The following RFX3 variants were observed in gnomAD, a reference collection of about 807,000 sequenced individuals.
The protein encoded by RFX3 is transcription factor RFX3.
RFX3 carries 14 observed loss-of-function variants against 98.6 expected under a neutral mutation model. The observed-to-expected ratio is 0.14, with a 90% CI of 0.09 to 0.22. The LOEUF (loss-of-function observed/expected upper bound fraction) is 0.22. Ranked by LOEUF, RFX3 falls within the 10% of genes least tolerant of loss-of-function variation. The pLI is 1.00. For missense variants in RFX3, 639 were observed against 926.9 expected (o/e 0.69, Z 4.03); for synonymous variants, 383 against 328.4 (o/e 1.17, Z -1.80).
chr9:3,388,007 T>C (rs1205655115), intron 2 of RFX3, among the ~76,000 whole-genome samples: 1 of 152,142 alleles, frequency 6.6e-6, no homozygotes, highest in Non-Finnish European at 1.5e-5. Flanking sequence ...AACAGAATAC[T>C]CTATTATGAA....
chr9:3,384,959 C>T lies in RFX3; in HGVS notation c.117+10513G>A, dbSNP rs547109066. 2.4e-3 allele frequency among the ~76,000 whole-genome samples: 365 copies of T among 152,252 alleles called. 2 individuals carry two copies. The highest frequency in any genetic ancestry group is 0.01 in the Middle Eastern group (3 of 294). On this transcript the variant is annotated intron_variant, in intron 2 of 16. Coordinates refer to ENST00000617270, the MANE Select transcript of RFX3 (RefSeq NM_001282116.2). ...CTCAAATCTTAGCTTAAAAGTCAGT[C>T]CCTCTGGGGAAACTTCCTTGACCAG... is the stretch of plus-strand genomic sequence containing the variant.
At chr9:3,392,206 C>A (rs1171919768) in intron 2 of RFX3, among the ~76,000 whole-genome samples, 1 of 151,944 alleles carries the variant, frequency 6.6e-6, no homozygotes, top group Non-Finnish European at 1.5e-5. Context: ...TATGGATAAA[C>A]ACCCACAGAT....
intron 5 of RFX3, among the ~76,000 whole-genome samples, chr9:3,300,746 T>C (rs1828552507): frequency 6.6e-6 from 1 of 151,908 alleles, no homozygotes; most frequent in Admixed American, 6.6e-5. Context: ...ATGGGTCTAT[T>C]TACTTTTTTC....
chr9:3,369,214 G>T (rs1243108720), intron 2 of RFX3, among the ~76,000 whole-genome samples: 2 of 152,226 alleles, frequency 1.3e-5, no homozygotes, highest in Admixed American at 6.5e-5. Flanking sequence ...ATTTCTCACA[G>T]TCTGGATGCT....
At chr9:3,266,497 T>C (rs1316769831) in intron 11 of RFX3, among the ~76,000 whole-genome samples, 192 bp from the exon 12 acceptor site, 1 of 152,106 alleles carries the variant, frequency 6.6e-6, no homozygotes, top group East Asian at 1.9e-4. Context: ...TTGGGCTTTT[T>C]CTTTTAAAGT....
Position 3,324,180 on chromosome 9 carries a change from CT to C in RFX3, c.474+6078del, listed in dbSNP as rs1428239021. The C allele has an allele frequency of 1.2e-5, 3 of 241,204 alleles. No individual in the cohort carries two copies. In the East Asian group the frequency reaches 3.1e-4, roughly 25 times the overall value. 14.9% of individuals were successfully genotyped at this position (241,204 alleles called of 1,614,324 possible). The stretch of plus-strand genomic sequence containing the variant: ...TCCTGCCAAAATAAGTGGACAGAGT[CT>C]TTTTTTAAAAAATATTGAGGCTAAC... On this transcript the variant is annotated intron_variant, in intron 4 of 16. Coordinates refer to ENST00000617270, the MANE Select transcript of RFX3 (RefSeq NM_001282116.2).
chr9:3,415,779 C>A lies in RFX3; in HGVS notation c.-8-20183G>T, dbSNP rs113312650. Among the ~76,000 whole-genome samples, 956 of 152,290 alleles carry A rather than the reference C, an allele frequency of 6.3e-3. 11 individuals are homozygous for A. Among genetic ancestry groups the A allele is most frequent in the Admixed American group, 8.4e-3 (129 of 15,290 alleles). On this transcript the variant is annotated intron_variant, in intron 1 of 16. Transcript: ENST00000617270. ...TCTAATTCTATAATATGAACTGCCT[C>A]TTTGCAACACAATGAGACCCAAGAT... is the stretch of plus-strand genomic sequence containing the variant.
At chr9:3,312,692 A>G (rs1830103742) in intron 4 of RFX3, among the ~76,000 whole-genome samples, 1 of 152,132 alleles carries the variant, frequency 6.6e-6, no homozygotes. Flanking sequence ...TTTCCAACTG[A>G]GCAAACAGCA....
intron 1 of RFX3, among the ~76,000 whole-genome samples, chr9:3,407,381 T>G (rs1040086810): frequency 1.3e-5 from 2 of 152,124 alleles, no homozygotes; most frequent in African/African-American, 4.8e-5. Context: ...TCCCATTTAT[T>G]ATGGATGAGA....
intron 2 of RFX3, among the ~76,000 whole-genome samples, chr9:3,355,293 C>A (rs1408392429): frequency 1.3e-5 from 2 of 151,654 alleles, no homozygotes; most frequent in Admixed American, 6.6e-5. Flanking sequence ...TGGGTGAGAT[C>A]CAACTATATG....
chr9:3,335,982 GGT>G (rs1833131390), intron 3 of RFX3, among the ~76,000 whole-genome samples: 1 of 151,912 alleles, frequency 6.6e-6, no homozygotes, highest in Non-Finnish European at 1.5e-5. Flanking sequence ...TTTATCTTCA[GGT>G]GTCTTATCCA....
At chr9:3,506,182 G>C (rs1308169168) in intron 1 of RFX3, among the ~76,000 whole-genome samples, 2 of 150,320 alleles carry the variant, frequency 1.3e-5, no homozygotes, top group African/African-American at 4.9e-5. Context: ...AATGAGGGCT[G>C]GATAGATTTA....
At chr9:3,394,876 G>T in intron 2 of RFX3, 1 of 982,296 alleles carries the variant, frequency 1.0e-6, no homozygotes, top group Non-Finnish European at 1.2e-6. Flanking sequence ...CAAGCCAACT[G>T]CCCTGCGTAT....
rs985405332 is a variant in RFX3, at chr9:3,467,514, C to A, written c.-9+58233G>T. 2.6e-5 allele frequency among the ~76,000 whole-genome samples: 4 copies of A among 151,930 alleles called. No homozygotes were observed. In the East Asian group the frequency reaches 7.7e-4, roughly 29 times the overall value. ...CTTCCCTCTTACATGAAAATTATTT[C>A]TCAAGGAAAGGTTATATTCATAACT... On this transcript the variant is annotated intron_variant, in intron 1 of 16. Coordinates refer to ENST00000617270, the MANE Select transcript of RFX3 (RefSeq NM_001282116.2).
chr9:3,500,668 A>C (rs555394778), intron 1 of RFX3, among the ~76,000 whole-genome samples: 2 of 152,288 alleles, frequency 1.3e-5, no homozygotes, highest in Admixed American at 6.5e-5. Context: ...TTTTAAAAGT[A>C]ATTAAAATTG....
rs1221713195 is a variant in RFX3 at position 3,277,330 on chromosome 9, C to A, written c.973+10G>T. 6.2e-7 allele frequency: 1 copy of A among 1,611,836 alleles called. No homozygotes were observed. The highest frequency in any genetic ancestry group is 8.5e-7 in the Non-Finnish European group (1 of 1,178,504). The stretch of plus-strand genomic sequence containing the variant: ...TAGTAGCAACTAATATGCATTACAC[C>A]TTAACATACCTAAAAACTGTTGATG... On this transcript the variant is annotated intron_variant, in intron 8 of 16. Coordinates refer to ENST00000617270, the MANE Select transcript of RFX3 (RefSeq NM_001282116.2).
chr9:3,434,630 T>C (rs1564097060), intron 1 of RFX3, among the ~76,000 whole-genome samples: 1 of 152,114 alleles, frequency 6.6e-6, no homozygotes, highest in Non-Finnish European at 1.5e-5. Flanking sequence ...CTTTCAAGTC[T>C]AAAGATAAAC....
At chr9:3,246,949 A>G (rs1820755041) in intron 15 of RFX3, 2 of 547,264 alleles carry the variant, frequency 3.7e-6, no homozygotes, top group Non-Finnish European at 4.6e-6. Context: ...TTTTATTTAT[A>G]CTAGAATATT....
At chr9:3,244,295 C>A (rs528323166) in intron 15 of RFX3, among the ~76,000 whole-genome samples, 20 of 152,234 alleles carry the variant, frequency 1.3e-4, no homozygotes, top group Admixed American at 9.2e-4. Context: ...TGTGAGCCAC[C>A]AAGCCCGGCC....
Sources: allele counts gnomAD v4.1 joint callset (sites outside exome capture counted in the v4.1 genomes callset), GRCh38; gene constraint gnomAD v4.1.1; transcripts MANE v1.5; gene names NCBI Gene and HGNC (gene_info 2026-07-23, HGNC 2026-07-21).